EMC8: variants seen among roughly 807,000 people sequenced by gnomAD.
The protein encoded by EMC8 is ER membrane protein complex subunit 8.
Under a neutral mutation model 24.3 loss-of-function variants are expected in EMC8, and 11 were observed. That is an observed-to-expected ratio of 0.45 (90% CI 0.28 to 0.75). The LOEUF is 0.75. Among genes scored for constraint, EMC8 ranks in the 30% least tolerant of loss-of-function variants. EMC8 has a pLI of 0.12. For missense variants in EMC8, 277 were observed against 282.7 expected (o/e 0.98, Z 0.14); for synonymous variants, 145 against 117.7 (o/e 1.23, Z -1.50).
intron 1 of EMC8, among the ~76,000 whole-genome samples, chr16:85,791,672 G>A (rs530532859): frequency 3.9e-5 from 6 of 152,280 alleles, no homozygotes; most frequent in Non-Finnish European, 8.8e-5. Context: ...GCTTCTTCAG[G>A]ATGCTCTAGA....
intron 2 of EMC8, among the ~76,000 whole-genome samples, chr16:85,782,157 C>T (rs992508715): frequency 6.6e-6 from 1 of 152,196 alleles, no homozygotes; most frequent in East Asian, 1.9e-4. Flanking sequence ...AACTCCAAGC[C>T]TCCCGGGCCC....
Position 85,779,510 on chromosome 16 carries a change from G to C in EMC8, c.*198C>G, listed in dbSNP as rs182260171. On this transcript the variant is annotated 3_prime_UTR_variant, in exon 5 of 5. Coordinates refer to ENST00000253457, the MANE Select transcript of EMC8 (RefSeq NM_006067.5). ...GAGAGTCCACAGGGACAGTCAGACG[G>C]GATGTCTGCACCTCTTCTAGAGACT... is the stretch of plus-strand genomic sequence containing the variant. The C allele has an allele frequency of 1.8e-6, 1 of 548,654 alleles. No individual in the cohort carries two copies. Among genetic ancestry groups the C allele is most frequent in the African/African-American group, 1.9e-5 (1 of 52,894 alleles). The allele number at this position is 548,654 out of a possible 1,614,324, so 34.0% of individuals were successfully genotyped here. A position where few individuals can be genotyped will look rare whatever the true frequency, so the allele number is the denominator to read the frequency against.
At chr16:85,790,526 G>C (rs1904955052) in intron 1 of EMC8, among the ~76,000 whole-genome samples, 2 of 152,194 alleles carry the variant, frequency 1.3e-5, no homozygotes, top group Non-Finnish European at 2.9e-5. Context: ...TAATGGAACA[G>C]ATTCCAGAAG....
chr16:85,782,346 A>G (rs1465710205), intron 2 of EMC8, among the ~76,000 whole-genome samples: 1 of 152,128 alleles, frequency 6.6e-6, no homozygotes, highest in Admixed American at 6.5e-5. Context: ...CTGATAAATG[A>G]CACCTTTCTA....
intron 2 of EMC8, among the ~76,000 whole-genome samples, chr16:85,788,122 C>T (rs1904837653): frequency 6.6e-6 from 1 of 152,202 alleles, no homozygotes; most frequent in South Asian, 2.1e-4. Context: ...TCCAGCTGCC[C>T]ATCTGGCTTC....
chr16:85,786,533 G>A (rs1443657677), intron 2 of EMC8, among the ~76,000 whole-genome samples: 1 of 152,170 alleles, frequency 6.6e-6, no homozygotes, highest in African/African-American at 2.4e-5. Context: ...CCTACCTGAG[G>A]TGTCCTCCTC....
chr16:85,788,007 T>A (rs1321844945), intron 2 of EMC8, among the ~76,000 whole-genome samples: 2 of 152,180 alleles, frequency 1.3e-5, no homozygotes, highest in Non-Finnish European at 2.9e-5. Context: ...GGCCCTTCAC[T>A]GCACCCCCAT....
In EMC8 at chr16:85,789,054, A is replaced by C; in HGVS notation, c.232-4T>G. 2 of 1,607,894 alleles carry C rather than the reference A, an allele frequency of 1.2e-6. No individual in the cohort carries two copies. The highest frequency in any genetic ancestry group is 1.7e-6 in the Non-Finnish European group (2 of 1,174,472). ...GATCTTTGCACCATGAATCAATCTGAAAGAGGAACAAAAATTGGGAAAAGA... is the reference window on the plus strand; with the variant it reads ...GATCTTTGCACCATGAATCAATCTGCAAGAGGAACAAAAATTGGGAAAAGA... On this transcript the variant is annotated splice_polypyrimidine_tract_variant and splice_region_variant and intron_variant, in intron 1 of 4. Coordinates refer to ENST00000253457, the MANE Select transcript of EMC8 (RefSeq NM_006067.5).
At chr16:85,794,160 C>T (rs184782454) in intron 1 of EMC8, among the ~76,000 whole-genome samples, 13 of 152,292 alleles carry the variant, frequency 8.5e-5, no homozygotes, top group Admixed American at 4.6e-4. Flanking sequence ...GGCTGATAAC[C>T]TCATAAACTA....
At chr16:85,787,438 A>G (rs1433222065) in intron 2 of EMC8, among the ~76,000 whole-genome samples, 1 of 152,200 alleles carries the variant, frequency 6.6e-6, no homozygotes, top group Non-Finnish European at 1.5e-5. Flanking sequence ...TGTTCAACTC[A>G]GCCACGTGAG....
chr16:85,799,273 G>A lies in EMC8; in HGVS notation c.23C>T (p.Thr8Ile). The A allele has an allele frequency of 6.2e-7, 1 of 1,609,712 alleles. No homozygotes were observed. Among genetic ancestry groups the A allele is most frequent in the Non-Finnish European group, 8.5e-7 (1 of 1,179,322 alleles). MPGVKLT[T>I]QAYCKMVLHG... ...CAGCACCATCTTGCAGTAGGCCTGG[G>A]TGGTCAGTTTCACCCCGGGCATGCT... Residue 8 changes from threonine (T) to isoleucine (I), a missense_variant, in exon 1 of 5, where the codon ACC becomes ATC. Thr to Ile is a moderately conservative substitution (Grantham distance 89, BLOSUM62 -1). Coordinates refer to ENST00000253457, the MANE Select transcript of EMC8 (RefSeq NM_006067.5). This position sits in a 1 kb window ranked among gnomAD's most constrained non-coding sequence, Gnocchi z 4.2.
chr16:85,789,727 G>T (rs984055169), intron 1 of EMC8, among the ~76,000 whole-genome samples: 6 of 151,970 alleles, frequency 3.9e-5, no homozygotes, highest in African/African-American at 1.2e-4. Flanking sequence ...CAGAGGGGGA[G>T]GTTGCAGTGA....
Position 85,788,982 on chromosome 16 carries a change from C to G in EMC8, c.300G>C (p.Lys100Asn), listed in dbSNP as rs768715754. ...AGYYQANERV[K>N]DASPNQVAEK... ...GTTCTGCATCCACGTACCTGGCATCCTTTACTCGCTCATTAGCTTGATAAT... is the reference window on the plus strand; with the variant it reads ...GTTCTGCATCCACGTACCTGGCATCGTTTACTCGCTCATTAGCTTGATAAT... Residue 100 changes from lysine to asparagine, a missense_variant, in exon 2 of 5, where the codon AAG becomes AAC. Physicochemically the swap from Lys to Asn is moderately conservative, Grantham distance 94. Coordinates refer to ENST00000253457, the MANE Select transcript of EMC8 (RefSeq NM_006067.5). 6.2e-6 allele frequency: 10 copies of G among 1,612,090 alleles called. No homozygotes were observed. In the South Asian group the frequency reaches 6.6e-5, roughly 11 times the overall value.
chr16:85,783,018 G>A (rs1479412287), intron 2 of EMC8, among the ~76,000 whole-genome samples: 2 of 152,176 alleles, frequency 1.3e-5, no homozygotes, highest in East Asian at 1.9e-4. Context: ...AGACAGGGTC[G>A]GCTGGGTGCA....
Position 85,779,498 on chromosome 16 carries a change from G to T in EMC8, c.*210C>A. ...ACATACAACTGAGAGAGTCCACAGG[G>T]ACAGTCAGACGGGATGTCTGCACCT... On this transcript the variant is annotated 3_prime_UTR_variant, in exon 5 of 5. Transcript: ENST00000253457. 1.9e-6 allele frequency: 1 copy of T among 529,882 alleles called. No individual in the cohort carries two copies. Among genetic ancestry groups the T allele is most frequent in the Non-Finnish European group, 3.4e-6 (1 of 294,158 alleles). The allele number at this position is 529,882 out of a possible 1,614,324, so 32.8% of individuals were successfully genotyped here. A position where few individuals can be genotyped will look rare whatever the true frequency, so the allele number is the denominator to read the frequency against.
chr16:85,781,370 C>A, intron 2 of EMC8, 90 bp from the exon 3 acceptor site: 1 of 861,922 alleles, frequency 1.2e-6, no homozygotes, highest in Non-Finnish European at 2.0e-6. Context: ...ACTTAACAAG[C>A]AATGACAGAA....
chr16:85,793,134 C>G (rs1905086118), intron 1 of EMC8, among the ~76,000 whole-genome samples: 1 of 152,180 alleles, frequency 6.6e-6, no homozygotes, highest in South Asian at 2.1e-4. Context: ...GGGCTGGGGC[C>G]ACCCCTTTCA....
In EMC8 at chr16:85,781,225, T is replaced by G. The variant is rs75548789; in HGVS notation, c.364A>C (p.Thr122Pro). 18 of 1,613,566 alleles carry G rather than the reference T, an allele frequency of 1.1e-5. No homozygotes were observed. In the East Asian group the frequency reaches 3.3e-4, roughly 30 times the overall value. ...AAGCGACTTACCATGATGAGCGCAG[T>G]GTCGCTGAAGCCCTCGGCGATTCTG... ...ASRIAEGFSDTALIMVDNTKF... is the reference protein window; with the variant it reads ...ASRIAEGFSDPALIMVDNTKF... Residue 122 changes from threonine (T) to proline (P), a missense_variant, in exon 3 of 5, where the codon ACT becomes CCT. By Grantham distance (38) the Thr-to-Pro change is conservative. Transcript: ENST00000253457.
chr16:85,799,379 G>T lies in EMC8; in HGVS notation c.-84C>A. ...CCTGGCCGCGCGGCGCCTCAGCCGAGAAGCGGGACGAGGCGGCGGCGATTG... is the reference window on the plus strand; with the variant it reads ...CCTGGCCGCGCGGCGCCTCAGCCGATAAGCGGGACGAGGCGGCGGCGATTG... On this transcript the variant is annotated 5_prime_UTR_variant, in exon 1 of 5. Coordinates refer to ENST00000253457, the MANE Select transcript of EMC8 (RefSeq NM_006067.5). This position sits in a 1 kb window ranked among gnomAD's most constrained non-coding sequence, Gnocchi z 4.2. 1.2e-6 allele frequency: 1 copy of T among 853,808 alleles called. No individual in the cohort carries two copies. The highest frequency in any genetic ancestry group is 1.7e-6 in the Non-Finnish European group (1 of 603,498). The allele number at this position is 853,808 out of a possible 1,614,324, so 52.9% of individuals were successfully genotyped here.
Sources: gnomAD v4.1 joint callset for allele counts (sites outside exome capture counted in the v4.1 genomes callset) on GRCh38, gnomAD v4.1.1 for gene constraint, Gnocchi (gnomAD v3.1) non-coding constraint, MANE v1.5 for transcripts, NCBI Gene and HGNC (gene_info 2026-07-23, HGNC 2026-07-21) for gene names.